LAMC3: variants seen among roughly 807,000 people sequenced by gnomAD.
The protein encoded by LAMC3 is laminin subunit gamma-3.
In LAMC3, 128 loss-of-function variants were observed where a neutral mutation model predicts 173.8. That is an observed-to-expected ratio of 0.74 (90% CI 0.64 to 0.85). LAMC3 has a LOEUF of 0.85. Ranked by LOEUF, LAMC3 falls within the 40% of genes least tolerant of loss-of-function variation. The pLI is 0.00. For missense variants in LAMC3, 2,022 were observed against 2,156.0 expected, an observed-to-expected ratio of 0.94 and a Z score of 1.23; for synonymous variants, 897 against 909.1, an observed-to-expected ratio of 0.99 and a Z score of 0.24.
At chr9:131,018,832 A>G (rs1200118380) in intron 1 of LAMC3, among the ~76,000 whole-genome samples, 1 of 152,164 alleles carries the variant, frequency 6.6e-6, no homozygotes, top group African/African-American at 2.4e-5. Context: ...AGCTTTGCCA[A>G]CATCCTGCCT....
chr9:131,030,949 G>A (rs1224508289), intron 2 of LAMC3, among the ~76,000 whole-genome samples: 5 of 152,264 alleles, frequency 3.3e-5, no homozygotes, highest in Non-Finnish European at 7.3e-5. Flanking sequence ...TTTGGGAAGT[G>A]CATCCTGGGG....
In LAMC3 at chr9:131,092,133, G is replaced by A. The variant is rs553267832; in HGVS notation, c.*346G>A. ...CTAATCCATCCAGTCAGCAGCTTAC[G>A]GTCCACACACATTACAGTCCACAGC... On this transcript the variant is annotated 3_prime_UTR_variant, in exon 28 of 28. Coordinates refer to ENST00000361069, the MANE Select transcript of LAMC3 (RefSeq NM_006059.4). 6.5e-5 allele frequency: 24 copies of A among 368,076 alleles called. No individual in the cohort carries two copies. Among genetic ancestry groups the A allele is most frequent in the Non-Finnish European group, 1.0e-4 (20 of 192,884 alleles). 22.8% of individuals were successfully genotyped at this position (368,076 alleles called of 1,614,324 possible). A position where few individuals can be genotyped will look rare whatever the true frequency, so the allele number is the denominator to read the frequency against.
chr9:131,010,116 C>T (rs1305216071), intron 1 of LAMC3, among the ~76,000 whole-genome samples: 2 of 141,884 alleles, frequency 1.4e-5, no homozygotes, highest in South Asian at 2.3e-4. Flanking sequence ...GTCGCACCAC[C>T]GTTCTCCAGC....
Position 131,045,792 on chromosome 9 carries a change from TG to T in LAMC3, c.1519+136del, listed in dbSNP as rs1374248941. ...GAGCCACAGGCCTGCACAGCCTAGGTGGGGTCGGGGGTGAGATGATGGCTCC... is the reference window on the plus strand; with the variant it reads ...GAGCCACAGGCCTGCACAGCCTAGGTGGGTCGGGGGTGAGATGATGGCTCC... On this transcript the variant is annotated intron_variant, in intron 8 of 27. Transcript: ENST00000361069. 5.9e-6 allele frequency: 7 copies of T among 1,189,190 alleles called. No individual in the cohort carries two copies. The African/African-American group carries it at 1.1e-4, about 18-fold the overall frequency. 73.7% of individuals were successfully genotyped at this position (1,189,190 alleles called of 1,614,324 possible). A position where few individuals can be genotyped will look rare whatever the true frequency, so the allele number is the denominator to read the frequency against.
rs762818960 is a variant in LAMC3 at position 131,075,781 on chromosome 9, C to G, written c.3495-50C>G. The G allele has an allele frequency of 7.0e-6, 11 of 1,574,130 alleles. No individual in the cohort carries two copies. In the Admixed American group the frequency reaches 1.8e-4, roughly 25 times the overall value. On this transcript the variant is annotated intron_variant, in intron 20 of 27. Transcript: ENST00000361069. The stretch of plus-strand genomic sequence containing the variant: ...TAGGGGGCGTAGTTCTGATCCTGGG[C>G]CCCTTCCCTGCGAGCCCTTGGTAAT...
intron 1 of LAMC3, among the ~76,000 whole-genome samples, chr9:131,019,553 C>G (rs896644364): frequency 6.6e-6 from 1 of 152,238 alleles, no homozygotes; most frequent in Non-Finnish European, 1.5e-5. Context: ...CTGTTTCACA[C>G]TAGCCAGCAT....
At chr9:131,061,248 C>G in intron 13 of LAMC3, 25 bp downstream of exon 13, 4 of 1,586,182 alleles carry the variant, frequency 2.5e-6, no homozygotes, top group Non-Finnish European at 3.4e-6. Context: ...CCCCGGAGCC[C>G]TGCCCCGCAG....
intron 24 of LAMC3, among the ~76,000 whole-genome samples, chr9:131,083,477 C>G (rs1040269862): frequency 6.6e-6 from 1 of 151,674 alleles, no homozygotes; most frequent in Non-Finnish European, 1.5e-5. Flanking sequence ...GCAGTCTTCC[C>G]CAGGGTGTGG....
chr9:131,087,764 G>A lies in LAMC3; in HGVS notation c.4424G>A (p.Arg1475His), dbSNP rs113354770. ...ATGGAGCAGCAGATCCGGGAATCGCGTATCTCACTGGAGAAGGACATCGAG... is the reference window on the plus strand; with the variant it reads ...ATGGAGCAGCAGATCCGGGAATCGCATATCTCACTGGAGAAGGACATCGAG... Reference protein sequence around the residue: ...SEMEQQIRESRISLEKDIETL... With the variant: ...SEMEQQIRESHISLEKDIETL... The change falls in exon 27 of 28, where the codon CGT becomes CAT. Residue 1475 changes from arginine to histidine, a missense_variant. Arg to His is a conservative substitution (Grantham distance 29). Transcript: ENST00000361069. 475 of 1,614,156 alleles carry A rather than the reference G, an allele frequency of 2.9e-4. 4 individuals are homozygous for A. The highest frequency in any genetic ancestry group is 4.9e-4 in the Middle Eastern group (3 of 6,062).
rs201597071 is a variant in LAMC3, at chr9:131,087,501, G to A, written c.4256G>A (p.Arg1419Gln). 6.7e-5 allele frequency: 108 copies of A among 1,613,832 alleles called. No homozygotes were observed. Among genetic ancestry groups the A allele is most frequent in the Middle Eastern group, 3.3e-4 (2 of 6,062 alleles). The change falls in exon 26 of 28, where the codon CGG becomes CAG. Residue 1419 changes from arginine to glutamine, a missense_variant. Coordinates refer to ENST00000361069, the MANE Select transcript of LAMC3 (RefSeq NM_006059.4). ...CTTGCCAAGGCCTTGCTGAGGGAGC[G>A]GAAACAGGCGCACCGCCGTGCCAGC... ...AKLAKALLRE[R>Q]KQAHRRASRL...
At chr9:131,081,691 T>G (rs1830245565) in intron 23 of LAMC3, among the ~76,000 whole-genome samples, 1 of 152,182 alleles carries the variant, frequency 6.6e-6, no homozygotes, top group Non-Finnish European at 1.5e-5. Flanking sequence ...GCCAGGCTGG[T>G]CTCGAACTCC....
At chr9:131,064,877 G>C (rs1462799483) in intron 13 of LAMC3, among the ~76,000 whole-genome samples, 4 of 151,494 alleles carry the variant, frequency 2.6e-5, no homozygotes, top group Non-Finnish European at 5.9e-5. Context: ...CCCGTCTCTA[G>C]TGAAAATACA....
At chr9:131,019,824 C>T (rs776284421) in intron 1 of LAMC3, among the ~76,000 whole-genome samples, 7 of 149,772 alleles carry the variant, frequency 4.7e-5, no homozygotes, top group African/African-American at 4.9e-5. Context: ...AGGTCCCACC[C>T]GCCCCCCTCC....
At chr9:131,019,262 AAAAC>A (rs371269481) in intron 1 of LAMC3, among the ~76,000 whole-genome samples, 10,792 of 152,180 alleles carry the variant, frequency 0.071, 450 homozygotes, top group Middle Eastern at 0.14. Context: ...ACTTTGTCTC[AAAAC>A]AAACAAACAA....
At chr9:131,089,985 C>T (rs1273684574) in intron 27 of LAMC3, among the ~76,000 whole-genome samples, 1 of 152,016 alleles carries the variant, frequency 6.6e-6, no homozygotes, top group Non-Finnish European at 1.5e-5. Context: ...TTTGTAGAGA[C>T]AGCGTCTCGT....
At position 131,032,161 on chromosome 9, in the gene LAMC3, C is replaced by T; in HGVS notation, c.795C>T (p.Phe265=). The T allele has an allele frequency of 6.2e-7, 1 of 1,613,064 alleles. No homozygotes were observed. Among genetic ancestry groups the T allele is most frequent in the Non-Finnish European group, 8.5e-7 (1 of 1,179,892 alleles). ...LQSYYYAVSD[F]SVGGRCKCNG... ...CCTACTATTATGCCGTGTCCGACTT[C>T]TCTGTGGGCGGCAGGTAGGAGGGAG... The change falls in exon 3 of 28, where the codon TTC becomes TTT. Residue 265 remains phenylalanine, a synonymous_variant. Coordinates refer to ENST00000361069, the MANE Select transcript of LAMC3 (RefSeq NM_006059.4).
intron 8 of LAMC3, among the ~76,000 whole-genome samples, chr9:131,047,165 C>CTTTTTTTTTTTTTGTTTTTTTTTT: frequency 9.8e-6 from 1 of 102,162 alleles, no homozygotes; most frequent in Non-Finnish European, 1.9e-5. Flanking sequence ...CTGAATTCCT[C>CTTTTTTTTTTTTTGTTTTTTTTTT]TTTTTTTTTT....
chr9:131,037,980 C>A (rs531386665), intron 4 of LAMC3, among the ~76,000 whole-genome samples: 1 of 152,356 alleles, frequency 6.6e-6, no homozygotes, highest in East Asian at 1.9e-4. Context: ...GTCCTTCCTT[C>A]CCTGCCATCA....
At chr9:131,055,484 G>T (rs1433003551) in intron 11 of LAMC3, among the ~76,000 whole-genome samples, 1 of 136,214 alleles carries the variant, frequency 7.3e-6, no homozygotes, top group African/African-American at 2.8e-5. Context: ...GAGTGCAGTG[G>T]CATGATCTCT....
Sources: gnomAD v4.1 joint callset for allele counts (sites outside exome capture counted in the v4.1 genomes callset) on GRCh38, gnomAD v4.1.1 for gene constraint, MANE v1.5 for transcripts, NCBI Gene and HGNC (gene_info 2026-07-23, HGNC 2026-07-21) for gene names.